The following MBD5 variants were observed in gnomAD, a reference collection of about 807,000 sequenced individuals.
MBD5 encodes the protein methyl-CpG-binding domain protein 5.
MBD5 carries 13 observed loss-of-function variants against 117.3 expected under a neutral mutation model. The observed-to-expected ratio is 0.11, with a 90% CI of 0.07 to 0.18. The LOEUF is 0.18. Ranked by LOEUF, MBD5 falls within the 10% of genes least tolerant of loss-of-function variation. MBD5 has a pLI of 1.00. For synonymous variants in MBD5, 727 were observed against 766.4 expected (o/e 0.95, Z 0.85); for missense variants, 1,879 against 2,093.8 (o/e 0.90, Z 2.00).
At chr2:148,398,390 C>T (rs1384733474) in intron 4 of MBD5, among the ~76,000 whole-genome samples, 1 of 151,802 alleles carries the variant, frequency 6.6e-6, no homozygotes, top group Non-Finnish European at 1.5e-5. Flanking sequence ...ATTTGCATTT[C>T]TCTGATGGCC....
intron 3 of MBD5, among the ~76,000 whole-genome samples, chr2:148,257,722 G>C (rs1381503648): frequency 1.3e-5 from 2 of 152,218 alleles, no homozygotes; most frequent in Non-Finnish European, 2.9e-5. Flanking sequence ...ATGACATATG[G>C]TGGGACTATG....
At chr2:148,137,174 C>A (rs1415843948) in intron 1 of MBD5, among the ~76,000 whole-genome samples, 1 of 152,184 alleles carries the variant, frequency 6.6e-6, no homozygotes, top group Non-Finnish European at 1.5e-5. Context: ...TTGTAGCCAA[C>A]AGGTCTGTTC....
In MBD5 at chr2:148,472,803, A is replaced by G. The variant is rs193018409; in HGVS notation, c.2518+2342A>G. ...TTATTCTTAAAATGTTGCTATAGCT[A>G]TCTATCGTCAAGTACCTTTTATGTA... On this transcript the variant is annotated intron_variant, in intron 8 of 13. Coordinates refer to ENST00000642680, the MANE Select transcript of MBD5 (RefSeq NM_001378120.1). Among the ~76,000 whole-genome samples, 11 of 152,282 alleles carry G rather than the reference A, an allele frequency of 7.2e-5. No homozygotes were observed. In the East Asian group the frequency reaches 1.5e-3, roughly 21 times the overall value.
intron 1 of MBD5, among the ~76,000 whole-genome samples, chr2:148,121,475 A>T (rs1213410561): frequency 6.6e-6 from 1 of 151,904 alleles, no homozygotes; most frequent in African/African-American, 2.4e-5. Context: ...AAACTTCTCT[A>T]TGGCTATATA....
chr2:148,250,828 A>G (rs183036557), intron 3 of MBD5, among the ~76,000 whole-genome samples: 41 of 152,276 alleles, frequency 2.7e-4, no homozygotes, highest in African/African-American at 8.7e-4. Flanking sequence ...GCCTTGCCCA[A>G]TGTCACTCGG....
chr2:148,451,070 G>A (rs1027500443), intron 4 of MBD5, among the ~76,000 whole-genome samples: 4 of 152,182 alleles, frequency 2.6e-5, no homozygotes, highest in Admixed American at 6.6e-5. Context: ...TGCAGTGAAC[G>A]GTCAAGGACA....
At chr2:148,104,427 C>A (rs1295252740) in intron 1 of MBD5, among the ~76,000 whole-genome samples, 1 of 152,114 alleles carries the variant, frequency 6.6e-6, no homozygotes, top group Non-Finnish European at 1.5e-5. Flanking sequence ...AAACCAGTGT[C>A]TTTATTATGC....
At position 148,034,976 on chromosome 2, in the gene MBD5, C is replaced by A. The variant is rs956083098; in HGVS notation, c.-925+13292C>A. Reference sequence around the variant, plus strand: ...TAGACTGAATACTACAATATAGAACCTTTAACGAGCTGTTAAAGTTCTGAA... The same window carrying A: ...TAGACTGAATACTACAATATAGAACATTTAACGAGCTGTTAAAGTTCTGAA... On this transcript the variant is annotated intron_variant, in intron 1 of 13. Coordinates refer to ENST00000642680, the MANE Select transcript of MBD5 (RefSeq NM_001378120.1). 3.9e-5 allele frequency among the ~76,000 whole-genome samples: 6 copies of A among 152,158 alleles called. No individual in the cohort carries two copies. The South Asian group carries it at 1.2e-3, about 32-fold the overall frequency.
chr2:148,125,016 ATATAT>A (rs1319785807), intron 1 of MBD5, among the ~76,000 whole-genome samples: 1 of 151,446 alleles, frequency 6.6e-6, no homozygotes, highest in Admixed American at 6.6e-5. Context: ...TTATATTGAG[ATATAT>A]TATTCTAGAA....
At chr2:148,121,841 A>T (rs1696774733) in intron 1 of MBD5, among the ~76,000 whole-genome samples, 1 of 152,148 alleles carries the variant, frequency 6.6e-6, no homozygotes, top group Non-Finnish European at 1.5e-5. Context: ...ATTATTTTGT[A>T]CTTAGAGAAT....
chr2:148,277,765 T>C (rs1312547566), intron 3 of MBD5, among the ~76,000 whole-genome samples: 1 of 152,242 alleles, frequency 6.6e-6, no homozygotes, highest in East Asian at 1.9e-4. Context: ...TTTACTCTTA[T>C]TTCTTTTCTC....
At position 148,029,024 on chromosome 2, in the gene MBD5, T is replaced by C. The variant is rs901303595; in HGVS notation, c.-925+7340T>C. ...GGCCAGAGCCAGACATCTAACTGTT[T>C]ATAACATTCAAACTTCAATTAAAGC... On this transcript the variant is annotated intron_variant, in intron 1 of 13. Coordinates refer to ENST00000642680, the MANE Select transcript of MBD5 (RefSeq NM_001378120.1). Among the ~76,000 whole-genome samples the C allele has an allele frequency of 3.3e-5, 5 of 152,232 alleles. No individual in the cohort carries two copies. In the East Asian group the frequency reaches 9.6e-4, roughly 29 times the overall value.
rs972411740 is a variant in MBD5 at position 148,134,191 on chromosome 2, T to A, written c.-924-44509T>A. Among the ~76,000 whole-genome samples, 5 of 150,380 alleles carry A rather than the reference T, an allele frequency of 3.3e-5. 1 individual carries two copies. In the South Asian group the frequency reaches 1.1e-3, roughly 32 times the overall value. On this transcript the variant is annotated intron_variant, in intron 1 of 13. Transcript: ENST00000642680. Reference sequence around the variant, plus strand: ...TTATTTTATTTTCATGATAGATAGATAGATGATTGATAGATAGATGACAGA... The same window carrying A: ...TTATTTTATTTTCATGATAGATAGAAAGATGATTGATAGATAGATGACAGA...
chr2:148,427,486 G>A (rs1024036850), intron 4 of MBD5, among the ~76,000 whole-genome samples: 2 of 152,152 alleles, frequency 1.3e-5, no homozygotes, highest in African/African-American at 4.8e-5. Flanking sequence ...CATGTCCTTT[G>A]TAGGGACATG....
chr2:148,043,485 A>G (rs149913159), intron 1 of MBD5, among the ~76,000 whole-genome samples: 3 of 141,706 alleles, frequency 2.1e-5, no homozygotes, highest in Admixed American at 7.1e-5. Flanking sequence ...ATAAATAAAT[A>G]AAAGAATAGA....
chr2:148,079,472 A>C (rs761433095), intron 1 of MBD5, among the ~76,000 whole-genome samples: 1 of 152,026 alleles, frequency 6.6e-6, no homozygotes, highest in African/African-American at 2.4e-5. Context: ...TACACCATCT[A>C]TATGTGCCTG....
At chr2:148,432,126 G>A (rs1400342655) in intron 4 of MBD5, among the ~76,000 whole-genome samples, 1 of 152,116 alleles carries the variant, frequency 6.6e-6, no homozygotes, top group Non-Finnish European at 1.5e-5. Flanking sequence ...GATGATTAGT[G>A]ATGTTAAGCA....
intron 4 of MBD5, among the ~76,000 whole-genome samples, chr2:148,342,618 T>C (rs1702975926): frequency 1.3e-5 from 2 of 152,020 alleles, no homozygotes; most frequent in Admixed American, 1.3e-4. Flanking sequence ...TCTTCCTGAA[T>C]TTATTTTTAT....
chr2:148,348,549 T>A (rs943697030), intron 4 of MBD5, among the ~76,000 whole-genome samples: 1 of 152,048 alleles, frequency 6.6e-6, no homozygotes, highest in African/African-American at 2.4e-5. Flanking sequence ...AATTATAGGC[T>A]TGGTGTCTTG....
Sources: gnomAD v4.1 joint callset for allele counts (sites outside exome capture counted in the v4.1 genomes callset) on GRCh38, gnomAD v4.1.1 for gene constraint, MANE v1.5 for transcripts, NCBI Gene and HGNC (gene_info 2026-07-23, HGNC 2026-07-21) for gene names.